The following PCDHGA2 variants were observed in gnomAD, a reference collection of about 807,000 sequenced individuals.
PCDHGA2 encodes protocadherin gamma-A2.
PCDHGA2 carries 40 observed loss-of-function variants against 59.2 expected under a neutral mutation model. The observed-to-expected ratio is 0.68, with a 90% CI of 0.52 to 0.88. PCDHGA2 has a LOEUF of 0.88. PCDHGA2 is among the 40% of genes least tolerant of loss of function. The pLI is 0.00. For missense variants in PCDHGA2, 1,226 were observed against 1,204.0 expected, an observed-to-expected ratio of 1.02 and a Z score of -0.27; for synonymous variants, 560 against 526.0, an observed-to-expected ratio of 1.06 and a Z score of -0.89.
chr5:141,357,010 C>T (rs1340112030), intron 1 of PCDHGA2: 2 of 1,614,032 alleles, frequency 1.2e-6, no homozygotes, highest in Admixed American at 3.3e-5. Flanking sequence ...GAATGCCTGG[C>T]TGTCCTACAG....
At chr5:141,381,403 A>G (rs1036443196) in intron 1 of PCDHGA2, among the ~76,000 whole-genome samples, 2 of 152,244 alleles carry the variant, frequency 1.3e-5, no homozygotes, top group East Asian at 1.9e-4. Context: ...CTCTATCAAC[A>G]TCAGTGGAGA....
intron 1 of PCDHGA2, chr5:141,390,040 C>T (rs2092027580): frequency 6.2e-7 from 1 of 1,614,072 alleles, no homozygotes; most frequent in Non-Finnish European, 8.5e-7. Context: ...TCCTCCAGCC[C>T]CGCCTCCTGG....
chr5:141,433,358 C>CCCATCTAT (rs1554125967), intron 1 of PCDHGA2: 6 of 503,934 alleles, frequency 1.2e-5, no homozygotes, highest in Admixed American at 3.6e-5. Context: ...CTACTGTCTG[C>CCCATCTAT]CTATCTATCT....
At position 141,341,413 on chromosome 5, in the gene PCDHGA2, A is replaced by C; in HGVS notation, c.2424+18A>C. ...TTTCTCAGGTAATCTATCTTTTCAC[A>C]ACATACGTACTAGCTAGTTTGCTGA... On this transcript the variant is annotated intron_variant, in intron 1 of 3. Transcript: ENST00000394576. The C allele has an allele frequency of 6.2e-7, 1 of 1,614,082 alleles. No homozygotes were observed. Among genetic ancestry groups the C allele is most frequent in the Non-Finnish European group, 8.5e-7 (1 of 1,180,004 alleles).
chr5:141,413,358 G>C, intron 1 of PCDHGA2: 1 of 1,613,972 alleles, frequency 6.2e-7, no homozygotes, highest in Non-Finnish European at 8.5e-7. Flanking sequence ...TGGCGCCCCG[G>C]GAGCTGGCGG....
At chr5:141,397,978 C>G in intron 1 of PCDHGA2, 1 of 1,261,722 alleles carries the variant, frequency 7.9e-7, no homozygotes, top group Non-Finnish European at 1.1e-6. Flanking sequence ...CAGCGCCGGC[C>G]TTTACACCGC....
At chr5:141,444,115 AG>A (rs1206374963) in intron 1 of PCDHGA2, among the ~76,000 whole-genome samples, 3 of 147,326 alleles carry the variant, frequency 2.0e-5, no homozygotes, top group Admixed American at 2.0e-4. Context: ...AGAAAAGTGA[AG>A]TATCTCAACA....
At chr5:141,480,738 T>C (rs2099524955) in intron 1 of PCDHGA2, among the ~76,000 whole-genome samples, 1 of 152,124 alleles carries the variant, frequency 6.6e-6, no homozygotes, top group Admixed American at 6.5e-5. Flanking sequence ...GGGTGGGACA[T>C]AGGCATCATT....
chr5:141,401,689 A>G (rs2094183367), intron 1 of PCDHGA2, among the ~76,000 whole-genome samples: 1 of 152,222 alleles, frequency 6.6e-6, no homozygotes, highest in Non-Finnish European at 1.5e-5. Context: ...ATGGAAGGTG[A>G]ATACAGGATT....
intron 1 of PCDHGA2, chr5:141,414,344 T>C: frequency 6.2e-7 from 1 of 1,613,882 alleles, no homozygotes; most frequent in Non-Finnish European, 8.5e-7. Flanking sequence ...ACCTGTTCCA[T>C]TTTGGCGTAT....
chr5:141,439,889 C>T (rs997306014), intron 1 of PCDHGA2: 1 of 152,348 alleles, frequency 6.6e-6, no homozygotes, highest in Admixed American at 6.5e-5. Context: ...CTGGGTAGAA[C>T]CAAGGCGACT....
intron 1 of PCDHGA2, among the ~76,000 whole-genome samples, chr5:141,364,048 G>C (rs1027287305): frequency 6.6e-6 from 1 of 152,188 alleles, no homozygotes; most frequent in African/African-American, 2.4e-5. Context: ...AACATTATTA[G>C]AAATAAAATT....
chr5:141,420,080 C>T (rs754438863), intron 1 of PCDHGA2: 2 of 1,614,010 alleles, frequency 1.2e-6, no homozygotes, highest in Non-Finnish European at 1.7e-6. Context: ...TGTGGGTCCC[C>T]CCAACTACAG....
Position 141,431,697 on chromosome 5 carries a change from G to A in PCDHGA2, c.2425-63110G>A. The A allele has an allele frequency of 6.2e-7, 1 of 1,614,206 alleles. No homozygotes were observed. Among genetic ancestry groups the A allele is most frequent in the South Asian group, 1.1e-5 (1 of 91,084 alleles). On this transcript the variant is annotated intron_variant, in intron 1 of 3. Transcript: ENST00000394576. This position sits in a 1 kb window ranked among gnomAD's most constrained non-coding sequence, Gnocchi z 4.8. Reference sequence around the variant, plus strand: ...GGGGAGTTGGACCACGAGGAGTCAGGATTCTACCAGATGGAAGTGCAAGCA... The same window carrying A: ...GGGGAGTTGGACCACGAGGAGTCAGAATTCTACCAGATGGAAGTGCAAGCA...
rs551330964 is a variant in PCDHGA2, at chr5:141,388,155, G to T, written c.2424+46760G>T. On this transcript the variant is annotated intron_variant, in intron 1 of 3. Coordinates refer to ENST00000394576, the MANE Select transcript of PCDHGA2 (RefSeq NM_018915.4). ...GGAGTTGCTTGTGAGCAGCAGGCTA[G>T]ACAGGGAGGAGATATGCGGGAAGAA... is the stretch of plus-strand genomic sequence containing the variant. The T allele has an allele frequency of 1.2e-5, 18 of 1,469,902 alleles. No homozygotes were observed. The African/African-American group carries it at 2.5e-4, about 21-fold the overall frequency. 91.1% of individuals were successfully genotyped at this position (1,469,902 alleles called of 1,614,324 possible). A position where few individuals can be genotyped will look rare whatever the true frequency, so the allele number is the denominator to read the frequency against.
At chr5:141,424,022 AAC>A (rs1390245883) in intron 1 of PCDHGA2, 1 of 1,046,586 alleles carries the variant, frequency 9.6e-7, no homozygotes, top group Non-Finnish European at 1.2e-6. Flanking sequence ...ATGATTCACA[AAC>A]ACTTTTTATT....
intron 1 of PCDHGA2, among the ~76,000 whole-genome samples, chr5:141,447,047 T>C (rs529082157): frequency 1.3e-5 from 2 of 152,342 alleles, no homozygotes; most frequent in African/African-American, 4.8e-5. Flanking sequence ...TCTGGAATTC[T>C]ATTAAAATGT....
rs1430647254 is a variant in PCDHGA2 at position 141,477,750 on chromosome 5, C to T, written c.2425-17057C>T. On this transcript the variant is annotated intron_variant, in intron 1 of 3. Coordinates refer to ENST00000394576, the MANE Select transcript of PCDHGA2 (RefSeq NM_018915.4). This position sits in a 1 kb window ranked among gnomAD's most constrained non-coding sequence, Gnocchi z 4.9. ...GCTCATATCAGCGATGGGGGCACCC[C>T]GGTCCTAGCCACCAACATCAGCGTG... 8 of 1,613,772 alleles carry T rather than the reference C, an allele frequency of 5.0e-6. No individual in the cohort carries two copies. Among genetic ancestry groups the T allele is most frequent in the East Asian group, 2.2e-5 (1 of 44,890 alleles).
At chr5:141,507,450 CAGAG>C (rs940460926) in intron 3 of PCDHGA2, among the ~76,000 whole-genome samples, 1 of 152,170 alleles carries the variant, frequency 6.6e-6, no homozygotes, top group African/African-American at 2.4e-5. Flanking sequence ...GACGGAAGGA[CAGAG>C]AGAGAGGTGG....
Sources: gnomAD v4.1 joint callset for allele counts (sites outside exome capture counted in the v4.1 genomes callset) on GRCh38, gnomAD v4.1.1 for gene constraint, Gnocchi (gnomAD v3.1) non-coding constraint, MANE v1.5 for transcripts, NCBI Gene and HGNC (gene_info 2026-07-23, HGNC 2026-07-21) for gene names.